The following DLG2 variants were observed in gnomAD, a reference collection of about 807,000 sequenced individuals.
DLG2 encodes the protein discs large MAGUK scaffold protein 2.
DLG2 carries 45 observed loss-of-function variants against 132.5 expected under a neutral mutation model. The observed-to-expected ratio is 0.34, with a 90% CI of 0.27 to 0.44. The LOEUF (loss-of-function observed/expected upper bound fraction) is 0.44. DLG2 is among the 20% of genes least tolerant of loss of function. DLG2 has a pLI of 1.00. For missense variants in DLG2, 1,045 were observed against 1,196.9 expected (o/e 0.87, Z 1.87); for synonymous variants, 424 against 419.6 (o/e 1.01, Z -0.13).
At chr11:84,082,802 A>G (rs1025751818) in intron 10 of DLG2, among the ~76,000 whole-genome samples, 7 of 152,194 alleles carry the variant, frequency 4.6e-5, no homozygotes, top group Non-Finnish European at 1.0e-4. Context: ...CTGGAAAAAA[A>G]TTTAATGAAT....
chr11:84,730,139 C>T (rs538034595), intron 6 of DLG2, among the ~76,000 whole-genome samples: 1 of 152,064 alleles, frequency 6.6e-6, no homozygotes, highest in African/African-American at 2.4e-5. Flanking sequence ...CCTCATTGTT[C>T]ACCAAATTTG....
intron 6 of DLG2, among the ~76,000 whole-genome samples, chr11:84,901,296 A>T (rs2090854232): frequency 6.6e-6 from 1 of 152,054 alleles, no homozygotes; most frequent in African/African-American, 2.4e-5. Flanking sequence ...CAGGAGGGTC[A>T]CAGGCTGAGA....
chr11:83,967,519 C>T (rs1235620362), intron 12 of DLG2, among the ~76,000 whole-genome samples: 1 of 152,066 alleles, frequency 6.6e-6, no homozygotes, highest in East Asian at 1.9e-4. Context: ...ACCTGTTGGA[C>T]ATTTTTGCAT....
At chr11:85,280,398 C>T (rs2152751255) in intron 4 of DLG2, among the ~76,000 whole-genome samples, 1 of 151,938 alleles carries the variant, frequency 6.6e-6, no homozygotes, top group East Asian at 1.9e-4. Context: ...TTGACAATGG[C>T]CATGTAACTA....
intron 6 of DLG2, among the ~76,000 whole-genome samples, chr11:84,673,624 T>G (rs1175886479): frequency 6.9e-6 from 1 of 144,342 alleles, no homozygotes; most frequent in Non-Finnish European, 1.5e-5. Context: ...AAAATTAAAA[T>G]AAATAAATAA....
intron 10 of DLG2, among the ~76,000 whole-genome samples, chr11:84,074,669 T>G (rs1216605666): frequency 1.3e-5 from 2 of 151,706 alleles, no homozygotes; most frequent in South Asian, 2.1e-4. Flanking sequence ...GCTGGGACTA[T>G]AGGCGCCGGC....
chr11:84,208,453 C>T (rs1423216258), intron 8 of DLG2, among the ~76,000 whole-genome samples: 2 of 150,464 alleles, frequency 1.3e-5, no homozygotes, highest in South Asian at 2.1e-4. Flanking sequence ...AAGTGATTCT[C>T]CTGCCTCAGC....
intron 11 of DLG2, among the ~76,000 whole-genome samples, chr11:84,029,334 A>G (rs1481562056): frequency 2.0e-5 from 3 of 152,116 alleles, no homozygotes; most frequent in African/African-American, 7.2e-5. Context: ...TCAATGTTCA[A>G]TTACCAGTTG....
chr11:83,850,381 T>C (rs1358687729), intron 16 of DLG2, among the ~76,000 whole-genome samples: 3 of 152,076 alleles, frequency 2.0e-5, no homozygotes. Context: ...TCTTGATTTC[T>C]TGACCTTGTG....
intron 3 of DLG2, among the ~76,000 whole-genome samples, chr11:85,287,034 T>C (rs982025402): frequency 1.3e-5 from 2 of 151,998 alleles, no homozygotes; most frequent in South Asian, 4.1e-4. Flanking sequence ...TAACACAAAA[T>C]ATAAAATAAA....
chr11:84,020,933 G>A (rs748505172), intron 11 of DLG2, among the ~76,000 whole-genome samples: 44 of 152,140 alleles, frequency 2.9e-4, no homozygotes, highest in Admixed American at 6.5e-5. Flanking sequence ...ACTTTAAGTG[G>A]CCCTAACACT....
At chr11:85,165,721 A>C (rs1351122344) in intron 4 of DLG2, among the ~76,000 whole-genome samples, 1 of 152,182 alleles carries the variant, frequency 6.6e-6, no homozygotes, top group African/African-American at 2.4e-5. Flanking sequence ...TTGTTCTTTG[A>C]CAGCAACTAT....
intron 7 of DLG2, among the ~76,000 whole-genome samples, chr11:84,349,617 T>C (rs1039039585): frequency 1.6e-4 from 24 of 152,208 alleles, no homozygotes; most frequent in African/African-American, 4.6e-4. Flanking sequence ...CCATGTGCCA[T>C]AGTGACTATA....
intron 3 of DLG2, among the ~76,000 whole-genome samples, chr11:85,498,908 A>G (rs968126507): frequency 6.6e-6 from 1 of 152,252 alleles, no homozygotes; most frequent in Non-Finnish European, 1.5e-5. Context: ...CAAGGACACC[A>G]TGTACCAGAA....
chr11:83,803,144 G>A (rs1341847206), intron 17 of DLG2, among the ~76,000 whole-genome samples: 1 of 151,982 alleles, frequency 6.6e-6, no homozygotes, highest in Non-Finnish European at 1.5e-5. Context: ...TTCAAACATT[G>A]CATTAATCCA....
intron 3 of DLG2, among the ~76,000 whole-genome samples, chr11:85,296,940 A>G (rs997706501): frequency 1.3e-4 from 20 of 150,132 alleles, no homozygotes; most frequent in African/African-American, 4.9e-4. Context: ...AATTTATTGT[A>G]GTGTACAAAT....
chr11:84,574,337 C>G (rs1321544141), intron 6 of DLG2, among the ~76,000 whole-genome samples: 4 of 151,378 alleles, frequency 2.6e-5, no homozygotes, highest in Non-Finnish European at 5.9e-5. Flanking sequence ...GTATTATTCC[C>G]CTAAACTAAT....
chr11:84,498,812 A>C (rs2099193366), intron 7 of DLG2, among the ~76,000 whole-genome samples: 1 of 152,170 alleles, frequency 6.6e-6, no homozygotes, highest in Non-Finnish European at 1.5e-5. Context: ...AATATCAAAA[A>C]ACTTATTTGT....
chr11:85,010,706 G>C (rs2059080524), intron 6 of DLG2, among the ~76,000 whole-genome samples: 1 of 152,056 alleles, frequency 6.6e-6, no homozygotes, highest in Admixed American at 6.6e-5. Context: ...ACTTGACCTA[G>C]AGATCTGTTT....
Sources: allele counts gnomAD v4.1 joint callset (sites outside exome capture counted in the v4.1 genomes callset), GRCh38; gene constraint gnomAD v4.1.1; transcripts MANE v1.5; gene names NCBI Gene and HGNC (gene_info 2026-07-23, HGNC 2026-07-21).